Variants in TTLL6 observed in about 807,000 individuals in gnomAD.
TTLL6 encodes tubulin tyrosine ligase like 6, also known as tubulin polyglutamylase TTLL6.
In TTLL6, 75 loss-of-function variants were observed where a neutral mutation model predicts 96.4. The ratio of observed to expected loss-of-function variants is 0.78; its 90% CI spans 0.65 to 0.94. The LOEUF is 0.94. TTLL6 is among the 40% of genes least tolerant of loss of function. The probability of loss-of-function intolerance (pLI) is 0.00; values close to 1 mark genes in which losing one functional copy is unlikely to be tolerated. For missense variants in TTLL6, 1,030 were observed against 1,093.0 expected (o/e 0.94, Z 0.81); for synonymous variants, 411 against 419.4 (o/e 0.98, Z 0.24).
intron 13 of TTLL6, among the ~76,000 whole-genome samples, chr17:48,774,108 A>AAAAAAAAAAAAAAAAAAAAAAAC (rs2038814796): frequency 6.9e-5 from 9 of 130,480 alleles, no homozygotes; most frequent in Non-Finnish European, 9.5e-5. Context: ...AAAAAAAAAA[A>AAAAAAAAAAAAAAAAAAAAAAAC]AAAACAAGAA....
intron 1 of TTLL6, 43 bp from the exon 2 acceptor site, chr17:48,805,034 T>C: frequency 6.8e-7 from 1 of 1,465,402 alleles, no homozygotes; most frequent in Non-Finnish European, 9.3e-7. Context: ...GAGATCCACC[T>C]GCAGGGGGAC....
intron 8 of TTLL6, among the ~76,000 whole-genome samples, chr17:48,794,925 C>A (rs2039291598): frequency 6.6e-6 from 1 of 152,220 alleles, no homozygotes; most frequent in Non-Finnish European, 1.5e-5. Context: ...ACTCACGCAA[C>A]CTCTGAGACT....
intron 2 of TTLL6, 130 bp downstream of exon 2, chr17:48,804,642 G>A (rs555763031): frequency 1.3e-6 from 1 of 747,734 alleles, no homozygotes; most frequent in East Asian, 2.7e-5. Flanking sequence ...AACCAAAAGT[G>A]GTGAGATGTT....
At chr17:48,798,897 T>C (rs1430365509) in intron 6 of TTLL6, among the ~76,000 whole-genome samples, 2 of 149,764 alleles carry the variant, frequency 1.3e-5, no homozygotes, top group Non-Finnish European at 1.5e-5. Flanking sequence ...TGGCACAATC[T>C]TGGCTCATTG....
At position 48,774,102 on chromosome 17, in the gene TTLL6, A is replaced by C. The variant is rs1186964804; in HGVS notation, c.2041-4005T>G. Among the ~76,000 whole-genome samples, 7 of 134,836 alleles carry C rather than the reference A, an allele frequency of 5.2e-5. No individual in the cohort carries two copies. In the East Asian group the frequency reaches 6.1e-4, roughly 12 times the overall value. 88.5% of individuals were successfully genotyped at this position (134,836 alleles called of 152,430 possible). ...CATCTCAAAAAAAACAAAACAAAAA[A>C]AAAAAAAAAACAAGAAAAGTAAAAT... On this transcript the variant is annotated intron_variant, in intron 13 of 15. Transcript: ENST00000393382.
chr17:48,771,857 TTGAGGTCGGG>T (rs1422795602), intron 13 of TTLL6, among the ~76,000 whole-genome samples: 1 of 151,852 alleles, frequency 6.6e-6, no homozygotes, highest in Non-Finnish European at 1.5e-5. Context: ...GGAGGATCAC[TTGAGGTCGGG>T]TGTTTGAGAC....
At chr17:48,792,536 G>C (rs8068884) in intron 8 of TTLL6, among the ~76,000 whole-genome samples, 46,455 of 151,962 alleles carry the variant, frequency 0.31, 7,360 homozygotes, top group Admixed American at 0.41. Context: ...CCCAGCCCAA[G>C]GGGTCAAGAA....
intron 8 of TTLL6, 58 bp from the exon 9 acceptor site, chr17:48,791,661 A>G: frequency 1.4e-6 from 2 of 1,447,886 alleles, no homozygotes; most frequent in Non-Finnish European, 1.9e-6. Flanking sequence ...ACCCGAGGCC[A>G]TGGCATGCTG....
intron 5 of TTLL6, among the ~76,000 whole-genome samples, chr17:48,800,889 C>G (rs116121636): frequency 1.3e-5 from 2 of 152,126 alleles, no homozygotes; most frequent in Admixed American, 1.3e-4. Context: ...TGCTCCTAAC[C>G]GGGGTGCTAA....
At chr17:48,816,464 A>G (rs1016936417) in intron 1 of TTLL6, among the ~76,000 whole-genome samples, 1 of 152,204 alleles carries the variant, frequency 6.6e-6, no homozygotes, top group African/African-American at 2.4e-5. Flanking sequence ...CTGCAAAGCC[A>G]GAAGAGTATT....
chr17:48,768,604 C>T (rs370568051), intron 15 of TTLL6, among the ~76,000 whole-genome samples: 4 of 147,648 alleles, frequency 2.7e-5, no homozygotes, highest in African/African-American at 5.0e-5. Flanking sequence ...CAGGGTCTTG[C>T]TATGTTGCCC....
intron 13 of TTLL6, among the ~76,000 whole-genome samples, chr17:48,777,011 G>C (rs1597967120): frequency 7.1e-6 from 1 of 141,394 alleles, no homozygotes; most frequent in African/African-American, 2.7e-5. Context: ...CATAAGGATA[G>C]ACACACACAC....
At chr17:48,798,475 G>T (rs2039356833) in intron 6 of TTLL6, among the ~76,000 whole-genome samples, 1 of 151,990 alleles carries the variant, frequency 6.6e-6, no homozygotes, top group Non-Finnish European at 1.5e-5. Flanking sequence ...GCTAAGGCAG[G>T]AGAATCACTT....
chr17:48,775,253 C>T (rs976101370), intron 13 of TTLL6, among the ~76,000 whole-genome samples: 7 of 151,478 alleles, frequency 4.6e-5, no homozygotes, highest in Non-Finnish European at 7.4e-5. Flanking sequence ...AGATATACAA[C>T]GAAAATAGAA....
At chr17:48,763,709 G>A (rs1259238456) in intron 15 of TTLL6, among the ~76,000 whole-genome samples, 1 of 152,178 alleles carries the variant, frequency 6.6e-6, no homozygotes. Context: ...TGAGGCAGGA[G>A]AATCAGTTGA....
At chr17:48,770,997 T>G (rs912665620) in intron 13 of TTLL6, among the ~76,000 whole-genome samples, 24 of 152,052 alleles carry the variant, frequency 1.6e-4, no homozygotes, top group Non-Finnish European at 2.9e-5. Flanking sequence ...GAAACTGCAC[T>G]TGATGAGATC....
At chr17:48,793,316 G>A (rs1454087221) in intron 8 of TTLL6, among the ~76,000 whole-genome samples, 1 of 152,128 alleles carries the variant, frequency 6.6e-6, no homozygotes, top group Non-Finnish European at 1.5e-5. Flanking sequence ...AACCCCAAAG[G>A]CCAGGGCACC....
intron 1 of TTLL6, among the ~76,000 whole-genome samples, chr17:48,809,383 G>A (rs898587476): frequency 2.0e-5 from 3 of 152,084 alleles, no homozygotes; most frequent in Non-Finnish European, 4.4e-5. Flanking sequence ...CTAGCCCTCC[G>A]CAACGGCTCC....
intron 15 of TTLL6, among the ~76,000 whole-genome samples, chr17:48,764,546 T>A (rs976000817): frequency 1.3e-5 from 2 of 152,094 alleles, no homozygotes; most frequent in Admixed American, 1.3e-4. Context: ...GTGTGGAAGG[T>A]GTTATTACTC....
Sources: allele counts gnomAD v4.1 joint callset (sites outside exome capture counted in the v4.1 genomes callset), GRCh38; gene constraint gnomAD v4.1.1; transcripts MANE v1.5; gene names NCBI Gene and HGNC (gene_info 2026-07-23, HGNC 2026-07-21).